The following MARCHF6 variants were observed in gnomAD, a reference collection of about 807,000 sequenced individuals.
MARCHF6 encodes the protein membrane associated ring-CH-type finger 6, also known as E3 ubiquitin-protein ligase MARCHF6.
Under a neutral mutation model 133.7 loss-of-function variants are expected in MARCHF6, and 31 were observed. That is an observed-to-expected ratio of 0.23 (90% CI 0.17 to 0.31). The LOEUF is 0.31. Ranked by LOEUF, MARCHF6 falls within the 10% of genes least tolerant of loss-of-function variation. The pLI is 1.00. For missense variants in MARCHF6, 723 were observed against 1,121.6 expected (o/e 0.64, Z 5.08); for synonymous variants, 395 against 402.5 (o/e 0.98, Z 0.22).
intron 10 of MARCHF6, among the ~76,000 whole-genome samples, chr5:10,398,382 A>T (rs1738314397): frequency 6.6e-6 from 1 of 152,228 alleles, no homozygotes; most frequent in Non-Finnish European, 1.5e-5. Context: ...AGAGGAAGAT[A>T]AATTTACTTG....
intron 22 of MARCHF6, among the ~76,000 whole-genome samples, chr5:10,421,215 T>C (rs763758603): frequency 6.6e-6 from 1 of 152,238 alleles, no homozygotes; most frequent in Non-Finnish European, 1.5e-5. Flanking sequence ...CTGTGAGGCA[T>C]GAGCAAGGCT....
intron 5 of MARCHF6, among the ~76,000 whole-genome samples, chr5:10,389,773 C>T (rs1737708549): frequency 6.6e-6 from 1 of 152,184 alleles, no homozygotes; most frequent in African/African-American, 2.4e-5. Flanking sequence ...TATCTCTCAA[C>T]CTTCATTTCT....
intron 10 of MARCHF6, among the ~76,000 whole-genome samples, chr5:10,399,582 G>T (rs918837182): frequency 3.9e-5 from 6 of 151,966 alleles, no homozygotes; most frequent in Admixed American, 2.6e-4. Context: ...AAATTCTCTT[G>T]CTATAAAGGT....
At chr5:10,381,245 G>C (rs1198975659) in intron 3 of MARCHF6, among the ~76,000 whole-genome samples, 1 of 152,182 alleles carries the variant, frequency 6.6e-6, no homozygotes, top group Non-Finnish European at 1.5e-5. Context: ...AGAGTAGTGG[G>C]AAGATCTGAA....
intron 1 of MARCHF6, among the ~76,000 whole-genome samples, chr5:10,356,343 A>ATTTATTTTAT (rs56348470): frequency 0.13 from 13,340 of 101,402 alleles, 1,486 homozygotes; most frequent in Non-Finnish European, 0.16. Flanking sequence ...TCTGTTTTTT[A>ATTTATTTTAT]TTTATTTTAT....
chr5:10,354,223 C>A (rs1735300296), intron 1 of MARCHF6, among the ~76,000 whole-genome samples: 4 of 152,256 alleles, frequency 2.6e-5, no homozygotes, highest in African/African-American at 9.6e-5. Flanking sequence ...GCGCGCTGGC[C>A]CAGAAAAGGG....
chr5:10,380,986 G>C (rs1737107518), intron 3 of MARCHF6, among the ~76,000 whole-genome samples: 2 of 151,190 alleles, frequency 1.3e-5, no homozygotes, highest in South Asian at 4.2e-4. Context: ...TTATAGGTGT[G>C]AACAGTTTTG....
chr5:10,375,677 C>T (rs1736734921), intron 1 of MARCHF6, among the ~76,000 whole-genome samples: 1 of 152,266 alleles, frequency 6.6e-6, no homozygotes, highest in Non-Finnish European at 1.5e-5. Flanking sequence ...TGCAAACACA[C>T]CAATCAGCAC....
At chr5:10,378,878 C>A (rs763711851) in intron 3 of MARCHF6, 46 bp downstream of exon 3, 1 of 1,310,698 alleles carries the variant, frequency 7.6e-7, no homozygotes, top group African/African-American at 1.4e-5. Flanking sequence ...GGTTATCACT[C>A]GTGGCATAAA....
Position 10,436,544 on chromosome 5 carries a change from G to A in MARCHF6, c.*2860G>A, listed in dbSNP as rs1306358459. On this transcript the variant is annotated 3_prime_UTR_variant, in exon 26 of 26. Coordinates refer to ENST00000274140, the MANE Select transcript of MARCHF6 (RefSeq NM_005885.4). ...TTGGGTTAAAACAACCTTCAAGAAG[G>A]TTAACTAGGAAAGAAGACCTTTTTG... 6.6e-6 allele frequency: 1 copy of A among 151,946 alleles called. No homozygotes were observed. The highest frequency in any genetic ancestry group is 1.5e-5 in the Non-Finnish European group (1 of 68,008). 9.4% of individuals were successfully genotyped at this position (151,946 alleles called of 1,614,324 possible). A position where few individuals can be genotyped will look rare whatever the true frequency, so the allele number is the denominator to read the frequency against.
Position 10,426,384 on chromosome 5 carries a change from T to C in MARCHF6, c.2374-6T>C. 1 of 1,613,036 alleles carries C rather than the reference T, an allele frequency of 6.2e-7. No individual in the cohort carries two copies. Among genetic ancestry groups the C allele is most frequent in the Non-Finnish European group, 8.5e-7 (1 of 1,179,568 alleles). Reference sequence around the variant, plus strand: ...TTTGTTCTAATTGCTTTTTGTAATGTTTCAGGTTTACGCAAATGGCATCCG... The same window carrying C: ...TTTGTTCTAATTGCTTTTTGTAATGCTTCAGGTTTACGCAAATGGCATCCG... On this transcript the variant is annotated splice_polypyrimidine_tract_variant and splice_region_variant and intron_variant, in intron 23 of 25. Coordinates refer to ENST00000274140, the MANE Select transcript of MARCHF6 (RefSeq NM_005885.4).
In MARCHF6 at chr5:10,357,779, A is replaced by G. The variant is rs547391053; in HGVS notation, c.19+3862A>G. ...CCTGTTATGAGCCAGGCACTATTCT[A>G]TGCATTTGGGCTAGGCAAGGAACAA... On this transcript the variant is annotated intron_variant, in intron 1 of 25. Transcript: ENST00000274140. Among the ~76,000 whole-genome samples the G allele has an allele frequency of 1.1e-4, 17 of 152,264 alleles. 1 individual carries two copies. The South Asian group carries it at 1.2e-3, about 11-fold the overall frequency.
intron 1 of MARCHF6, among the ~76,000 whole-genome samples, chr5:10,363,273 T>C (rs997384077): frequency 4.6e-5 from 7 of 152,200 alleles, no homozygotes; most frequent in South Asian, 2.1e-4. Context: ...ATGTATCTTA[T>C]AAGGGGCTTG....
At chr5:10,370,029 G>A (rs1296122463) in intron 1 of MARCHF6, among the ~76,000 whole-genome samples, 1 of 150,434 alleles carries the variant, frequency 6.6e-6, no homozygotes, top group African/African-American at 2.4e-5. Flanking sequence ...TGGATTGTCT[G>A]GTAAGGGTGT....
At chr5:10,402,017 T>A in intron 11 of MARCHF6, 42 bp from the exon 12 acceptor site, 1 of 1,166,022 alleles carries the variant, frequency 8.6e-7, no homozygotes, top group Non-Finnish European at 1.3e-6. Context: ...GTGTAGAACA[T>A]GTTGTAAAAT....
At chr5:10,368,801 G>T (rs1015862251) in intron 1 of MARCHF6, among the ~76,000 whole-genome samples, 18 of 152,244 alleles carry the variant, frequency 1.2e-4, no homozygotes, top group African/African-American at 3.9e-4. Context: ...TCAAACTCCT[G>T]ATCTCAAGCA....
chr5:10,411,608 G>T (rs1739236474), intron 19 of MARCHF6, 71 bp downstream of exon 19: 3 of 1,268,130 alleles, frequency 2.4e-6, no homozygotes, highest in East Asian at 2.4e-5. Flanking sequence ...TTGCTGTTGA[G>T]AATTGGTGCT....
chr5:10,372,526 T>TC (rs983399399), intron 1 of MARCHF6, among the ~76,000 whole-genome samples: 2 of 6,716 alleles, frequency 3.0e-4, no homozygotes, highest in Non-Finnish European at 2.4e-3. Flanking sequence ...TTTAGGATTA[T>TC]TTTTTTTCCC....
Position 10,433,760 on chromosome 5 carries a change from C to T in MARCHF6, c.*76C>T. Reference sequence around the variant, plus strand: ...GACTTCTCTCTTTGGAGATTTTTCCCAGTGATCTCTCAGCGTTGTTTTTAA... The same window carrying T: ...GACTTCTCTCTTTGGAGATTTTTCCTAGTGATCTCTCAGCGTTGTTTTTAA... On this transcript the variant is annotated 3_prime_UTR_variant, in exon 26 of 26. Coordinates refer to ENST00000274140, the MANE Select transcript of MARCHF6 (RefSeq NM_005885.4). 1 of 1,191,434 alleles carries T rather than the reference C, an allele frequency of 8.4e-7. No homozygotes were observed. Among genetic ancestry groups the T allele is most frequent in the South Asian group, 1.2e-5 (1 of 81,358 alleles). 73.8% of individuals were successfully genotyped at this position (1,191,434 alleles called of 1,614,324 possible). A position where few individuals can be genotyped will look rare whatever the true frequency, so the allele number is the denominator to read the frequency against.
Sources: allele counts gnomAD v4.1 joint callset (sites outside exome capture counted in the v4.1 genomes callset), GRCh38; gene constraint gnomAD v4.1.1; transcripts MANE v1.5; gene names NCBI Gene and HGNC (gene_info 2026-07-23, HGNC 2026-07-21).